SATL1: variants seen among roughly 807,000 people sequenced by gnomAD.
The protein encoded by SATL1 is spermidine/spermine N1-acetyl transferase like 1.
Under a neutral mutation model 51.8 loss-of-function variants are expected in SATL1, and 47 were observed. The ratio of observed to expected loss-of-function variants is 0.91; its 90% CI spans 0.72 to 1.16. SATL1 has a LOEUF of 1.16. SATL1 is among the 50% of genes most tolerant of loss of function. SATL1 has a pLI of 0.00. For synonymous variants in SATL1, 176 were observed against 182.4 expected, an observed-to-expected ratio of 0.97 and a Z score of 0.28; for missense variants, 520 against 526.4, an observed-to-expected ratio of 0.99 and a Z score of 0.12.
intron 2 of SATL1, among the ~76,000 whole-genome samples, chrX:85,131,896 C>T (rs918706774): frequency 9.0e-6 from 1 of 111,506 alleles, no homozygotes; most frequent in Non-Finnish European, 1.9e-5. Context: ...TTTATTTCTT[C>T]TTCACTTATG....
At chrX:85,147,320 G>A (rs1238968235) in intron 2 of SATL1, among the ~76,000 whole-genome samples, 4 of 112,247 alleles carry the variant, frequency 3.6e-5, no homozygotes, top group African/African-American at 1.3e-4. Flanking sequence ...CAGCTGGGAA[G>A]CTCCAACTGG....
intron 2 of SATL1, among the ~76,000 whole-genome samples, chrX:85,157,130 A>G (rs368554692): frequency 5.5e-5 from 6 of 109,133 alleles, no homozygotes; most frequent in African/African-American, 1.7e-4. Context: ...AATATGCCCA[A>G]TTATGATCTC....
intron 2 of SATL1, among the ~76,000 whole-genome samples, chrX:85,195,070 G>A (rs1313122560): frequency 9.1e-6 from 1 of 110,423 alleles, no homozygotes; most frequent in Non-Finnish European, 1.9e-5. Context: ...CCTGTTTGGA[G>A]AACCTGTGTG....
chrX:85,133,769 A>G (rs1028664902), intron 2 of SATL1, among the ~76,000 whole-genome samples: 15 of 111,941 alleles, frequency 1.3e-4, no homozygotes, highest in African/African-American at 2.6e-4. Flanking sequence ...AGCTGTTCCT[A>G]TTTGGCCATC....
chrX:85,158,629 A>G (rs1299538095), intron 2 of SATL1, among the ~76,000 whole-genome samples: 2 of 111,896 alleles, frequency 1.8e-5, no homozygotes, highest in Non-Finnish European at 3.8e-5. Context: ...ATATTGGGGG[A>G]ATAAAAACTA....
intron 2 of SATL1, among the ~76,000 whole-genome samples, chrX:85,170,415 A>T (rs949733908): frequency 8.9e-6 from 1 of 111,937 alleles, no homozygotes; most frequent in South Asian, 3.7e-4. Context: ...GATATATGGA[A>T]AATATTAGTT....
intron 2 of SATL1, among the ~76,000 whole-genome samples, chrX:85,172,744 T>A (rs754354161): frequency 6.6e-4 from 70 of 106,567 alleles, no homozygotes; most frequent in African/African-American, 2.2e-3. Flanking sequence ...ATTGCCTAGA[T>A]TGTATGACAT....
intron 2 of SATL1, among the ~76,000 whole-genome samples, chrX:85,188,094 C>A (rs1172701269): frequency 1.8e-5 from 2 of 111,396 alleles, no homozygotes; most frequent in African/African-American, 6.5e-5. Flanking sequence ...TTCTACCATT[C>A]ATTATCTCTT....
intron 2 of SATL1, among the ~76,000 whole-genome samples, chrX:85,213,469 G>A (rs1212921647): frequency 1.8e-5 from 2 of 111,968 alleles, no homozygotes; most frequent in Non-Finnish European, 3.8e-5. Context: ...GAATTTTCTT[G>A]ATAAGTGCAA....
intron 2 of SATL1, among the ~76,000 whole-genome samples, chrX:85,200,547 C>T (rs1246820189): frequency 9.0e-6 from 1 of 111,140 alleles, no homozygotes; most frequent in African/African-American, 3.3e-5. Flanking sequence ...GAAAACCTGT[C>T]GGTATATGTG....
intron 1 of SATL1, among the ~76,000 whole-genome samples, chrX:85,232,702 T>C (rs180697122): frequency 2.5e-3 from 274 of 111,557 alleles, no homozygotes; most frequent in African/African-American, 8.0e-3. Context: ...AAGCAACTCC[T>C]TTGCCTGTGA....
At chrX:85,210,438 A>C (rs1290213652) in intron 2 of SATL1, 1 of 104,420 alleles carries the variant, frequency 9.6e-6, no homozygotes, top group African/African-American at 3.5e-5. Context: ...GCACACAGCC[A>C]TCCCTCTACA....
intron 2 of SATL1, among the ~76,000 whole-genome samples, chrX:85,131,101 T>C (rs187085999): frequency 8.9e-6 from 1 of 112,058 alleles, no homozygotes; most frequent in East Asian, 2.8e-4. Context: ...TGTGATGTGG[T>C]GCTGAGAAGA....
At chrX:85,139,581 T>C (rs957121252) in intron 2 of SATL1, among the ~76,000 whole-genome samples, 2 of 111,383 alleles carry the variant, frequency 1.8e-5, no homozygotes, top group Non-Finnish European at 3.8e-5. Flanking sequence ...AAGGCCATGA[T>C]GATAATGTCA....
chrX:85,197,748 T>C (rs887300854), intron 2 of SATL1, among the ~76,000 whole-genome samples: 1 of 106,858 alleles, frequency 9.4e-6, no homozygotes. Context: ...ACATGCGGTG[T>C]TTGGTTTTTT....
In SATL1 at chrX:85,107,507, G is replaced by A. The variant is rs1925082628; in HGVS notation, c.1462C>T (p.Gln488Ter). Reference sequence around the variant, plus strand: ...AGGTCTTGTTGGCTCAGGCCTGGCTGACTCGGCCCCGGTTCCCATATGCCT... The same window carrying A: ...AGGTCTTGTTGGCTCAGGCCTGGCTAACTCGGCCCCGGTTCCCATATGCCT... Reference protein sequence around the residue: ...QPGIWEPGPSQPGLSQQDLNQ... With the variant: ...QPGIWEPGPS The change falls in exon 3 of 8, where the codon CAG becomes TAG. Residue 488 changes from glutamine to a stop codon, truncating the protein, a stop_gained. Coordinates refer to ENST00000644105, the MANE Select transcript of SATL1 (RefSeq NM_001367857.2). LOFTEE classifies it high-confidence loss of function. 3.3e-6 allele frequency: 4 copies of A among 1,211,198 alleles called. No homozygotes were observed. The highest frequency in any genetic ancestry group is 1.7e-5 in the African/African-American group (1 of 57,533).
At chrX:85,126,428 C>A (rs1925625920) in intron 2 of SATL1, among the ~76,000 whole-genome samples, 1 of 111,007 alleles carries the variant, frequency 9.0e-6, no homozygotes, top group Admixed American at 9.6e-5. Context: ...TGGTGAGGAA[C>A]CTGAGGCACA....
chrX:85,178,853 T>C (rs1335468779), intron 2 of SATL1, among the ~76,000 whole-genome samples: 1 of 111,646 alleles, frequency 9.0e-6, no homozygotes, highest in Non-Finnish European at 1.9e-5. Flanking sequence ...GTAGTTAACA[T>C]GGTGATCATT....
intron 2 of SATL1, among the ~76,000 whole-genome samples, chrX:85,175,424 T>G (rs1030995940): frequency 1.1e-3 from 125 of 111,371 alleles, no homozygotes; most frequent in African/African-American, 3.9e-3. Context: ...ACAGCAACCA[T>G]AAAAATTACT....
Sources: allele counts gnomAD v4.1 joint callset (sites outside exome capture counted in the v4.1 genomes callset), GRCh38; gene constraint gnomAD v4.1.1; transcripts MANE v1.5; gene names NCBI Gene and HGNC (gene_info 2026-07-23, HGNC 2026-07-21).